DTX1: variants seen among roughly 807,000 people sequenced by gnomAD.
DTX1 encodes E3 ubiquitin-protein ligase DTX1.
DTX1 carries 26 observed loss-of-function variants against 57.8 expected under a neutral mutation model. That is an observed-to-expected ratio of 0.45 (90% CI 0.33 to 0.62). The LOEUF (loss-of-function observed/expected upper bound fraction) is 0.62. DTX1 is among the 20% of genes least tolerant of loss of function. The pLI, the probability that DTX1 is intolerant of heterozygous loss-of-function variation, is 0.02. For synonymous variants in DTX1, 398 were observed against 394.1 expected, an observed-to-expected ratio of 1.01 and a Z score of -0.12; for missense variants, 704 against 895.3, an observed-to-expected ratio of 0.79 and a Z score of 2.73.
rs990867379 is a variant in DTX1, at chr12:113,095,056, G to A, written c.1401G>A (p.Gln467=). The part of the protein sequence containing the change: ...YSNGNKDGSL[Q]CPTCKAIYGE... ...CCCCTGCCCAGGATGGCAGCCTGCA[G>A]TGCCCCACCTGCAAGGCCATCTACG... is the stretch of plus-strand genomic sequence containing the variant. The change falls in exon 8 of 10, where the codon CAG becomes CAA. Residue 467 remains glutamine (Q), a synonymous_variant. Transcript: ENST00000548759. 2 of 1,611,666 alleles carry A rather than the reference G, an allele frequency of 1.2e-6. No homozygotes were observed. Among genetic ancestry groups the A allele is most frequent in the African/African-American group, 2.7e-5 (2 of 74,908 alleles).
intron 6 of DTX1, 31 bp downstream of exon 6, chr12:113,094,130 G>GCGGC: frequency 8.0e-7 from 1 of 1,247,540 alleles, no homozygotes; most frequent in Non-Finnish European, 1.1e-6. Flanking sequence ...CTGGGGGAGG[G>GCGGC]CCCTGGCATG....
chr12:113,084,775 A>G (rs927676339), intron 3 of DTX1, among the ~76,000 whole-genome samples: 2 of 152,246 alleles, frequency 1.3e-5, no homozygotes, highest in Non-Finnish European at 2.9e-5. Context: ...CTGAGGCTCC[A>G]GAAGACTAAG....
chr12:113,095,687 G>A (rs1950284898), intron 9 of DTX1: 1 of 448,810 alleles, frequency 2.2e-6, no homozygotes, highest in African/African-American at 1.9e-5. Context: ...GAGAAACTAA[G>A]TGGCGGAGCT....
At chr12:113,087,006 C>T (rs555803771) in intron 3 of DTX1, among the ~76,000 whole-genome samples, 2 of 151,820 alleles carry the variant, frequency 1.3e-5, no homozygotes, top group Non-Finnish European at 2.9e-5. Flanking sequence ...TGCCCCGGGC[C>T]GTGGGAACAG....
At position 113,095,195 on chromosome 12, in the gene DTX1, G is replaced by A; in HGVS notation, c.1540G>A (p.Gly514Ser). 2 of 1,604,902 alleles carry A rather than the reference G, an allele frequency of 1.2e-6. No individual in the cohort carries two copies. The highest frequency in any genetic ancestry group is 1.7e-6 in the Non-Finnish European group (2 of 1,172,428). ...TIRIVYDIPT[G>S]IQGPEHPNPG... ...CCGCATCGTCTATGACATCCCCACA[G>A]GCATCCAGGTGGGCTCCCCTTCCGC... Residue 514 changes from glycine (G) to serine (S), a missense_variant, in exon 8 of 10, where the codon GGC (glycine) becomes AGC (serine). Transcript: ENST00000548759.
rs1255777780 is a variant in DTX1, at chr12:113,093,484, G to C, written c.1004-55G>C. ...CCCGGGATTCCCAGGGCCAGTGGTCGGGGGTTTGGGCGGGGATGGCGCCCC... is the reference window on the plus strand; with the variant it reads ...CCCGGGATTCCCAGGGCCAGTGGTCCGGGGTTTGGGCGGGGATGGCGCCCC... On this transcript the variant is annotated intron_variant, in intron 4 of 9. Transcript: ENST00000548759. This position sits in a 1 kb window ranked among gnomAD's most constrained non-coding sequence, Gnocchi z 4.2. The C allele has an allele frequency of 1.4e-6, 2 of 1,476,660 alleles. No homozygotes were observed. Among genetic ancestry groups the C allele is most frequent in the Admixed American group, 2.6e-5 (1 of 38,968 alleles). 91.5% of individuals were successfully genotyped at this position (1,476,660 alleles called of 1,614,324 possible).
At chr12:113,095,465 A>G in intron 9 of DTX1, 51 bp downstream of exon 9, 1 of 1,609,446 alleles carries the variant, frequency 6.2e-7, no homozygotes. Context: ...CAGGGGCTCC[A>G]GCAACCACTG....
chr12:113,078,833 T>G (rs2044794961), intron 3 of DTX1, among the ~76,000 whole-genome samples: 1 of 151,968 alleles, frequency 6.6e-6, no homozygotes, highest in Non-Finnish European at 1.5e-5. Flanking sequence ...AATACCACAA[T>G]TACTCTGGGT....
At chr12:113,080,684 G>A (rs1401115553) in intron 3 of DTX1, among the ~76,000 whole-genome samples, 1 of 152,104 alleles carries the variant, frequency 6.6e-6, no homozygotes, top group African/African-American at 2.4e-5. Flanking sequence ...AATAAGAATT[G>A]TTACATGTAG....
At chr12:113,061,040 C>T (rs549518971) in intron 2 of DTX1, among the ~76,000 whole-genome samples, 5 of 152,292 alleles carry the variant, frequency 3.3e-5, no homozygotes, top group East Asian at 1.9e-4. Flanking sequence ...CTTATGTTCC[C>T]GAGTCCCCAG....
At chr12:113,078,181 T>C in intron 3 of DTX1, 76 bp downstream of exon 3, 1 of 1,115,902 alleles carries the variant, frequency 9.0e-7, no homozygotes, top group African/African-American at 1.7e-5. Context: ...GGTTGGCCAC[T>C]AGGGCAGGAG....
At chr12:113,064,788 C>G (rs1179005346) in intron 2 of DTX1, among the ~76,000 whole-genome samples, 1 of 152,198 alleles carries the variant, frequency 6.6e-6, no homozygotes, top group East Asian at 1.9e-4. Context: ...AGTAAGCACT[C>G]ATGCTCGAGG....
intron 3 of DTX1, among the ~76,000 whole-genome samples, chr12:113,080,974 C>CG (rs2044812317): frequency 7.1e-6 from 1 of 141,574 alleles, no homozygotes; most frequent in Non-Finnish European, 1.5e-5. Flanking sequence ...GACACTGTCT[C>CG]AAAAAAAAAA....
rs564800293 is a variant in DTX1 at position 113,079,313 on chromosome 12, T to C, written c.941+1208T>C. Among the ~76,000 whole-genome samples the C allele has an allele frequency of 1.1e-4, 17 of 152,114 alleles. 2 individuals are homozygous for C. The highest frequency in any genetic ancestry group is 3.4e-3 in the Middle Eastern group (1 of 294). On this transcript the variant is annotated intron_variant, in intron 3 of 9. Coordinates refer to ENST00000548759, the MANE Select transcript of DTX1 (RefSeq NM_004416.3). Reference sequence around the variant, plus strand: ...AATCACTATGGCATGGCCGGGGGAATTGATAATGATGGTCCGAGATCACCA... The same window carrying C: ...AATCACTATGGCATGGCCGGGGGAACTGATAATGATGGTCCGAGATCACCA...
chr12:113,080,272 A>T (rs1312095423), intron 3 of DTX1, among the ~76,000 whole-genome samples: 2 of 151,948 alleles, frequency 1.3e-5, no homozygotes, highest in East Asian at 3.9e-4. Flanking sequence ...TGCAGGATAG[A>T]GTCACTGAGA....
intron 2 of DTX1, 94 bp downstream of exon 2, chr12:113,058,545 C>CA: frequency 6.6e-7 from 1 of 1,516,736 alleles, no homozygotes; most frequent in South Asian, 1.3e-5. Flanking sequence ...CTGCTGATGC[C>CA]AAATCCCTTC....
At chr12:113,078,474 G>A (rs915985230) in intron 3 of DTX1, among the ~76,000 whole-genome samples, 54 of 152,274 alleles carry the variant, frequency 3.5e-4, no homozygotes, top group Admixed American at 1.0e-3. Context: ...GTATCACCTC[G>A]TTTATTCTGC....
chr12:113,064,216 CTA>C (rs2044688916), intron 2 of DTX1, among the ~76,000 whole-genome samples: 1 of 152,176 alleles, frequency 6.6e-6, no homozygotes, highest in Non-Finnish European at 1.5e-5. Flanking sequence ...GCAAGAAAGA[CTA>C]TGTGTAGGGG....
rs1376438385 is a variant in DTX1, at chr12:113,093,024, A to G, written c.942-138A>G. The stretch of plus-strand genomic sequence containing the variant: ...TCAGAGTAGAAAGAGAGTTTCCTGG[A>G]GGTAACTGCAGTTGGCAGAGAGGTA... On this transcript the variant is annotated intron_variant, in intron 3 of 9. Coordinates refer to ENST00000548759, the MANE Select transcript of DTX1 (RefSeq NM_004416.3). This position sits in a 1 kb window ranked among gnomAD's most constrained non-coding sequence, Gnocchi z 4.2. 1.3e-6 allele frequency: 1 copy of G among 740,912 alleles called. No homozygotes were observed. Among genetic ancestry groups the G allele is most frequent in the Non-Finnish European group, 2.1e-6 (1 of 467,712 alleles). 45.9% of individuals were successfully genotyped at this position (740,912 alleles called of 1,614,324 possible). A position where few individuals can be genotyped will look rare whatever the true frequency, so the allele number is the denominator to read the frequency against.
Sources: allele counts gnomAD v4.1 joint callset (sites outside exome capture counted in the v4.1 genomes callset), GRCh38; gene constraint gnomAD v4.1.1; non-coding constraint Gnocchi (gnomAD v3.1); transcripts MANE v1.5; gene names NCBI Gene and HGNC (gene_info 2026-07-23, HGNC 2026-07-21).